Variants in STK39 observed in about 807,000 individuals in gnomAD.
STK39 encodes STE20/SPS1-related proline-alanine-rich protein kinase.
STK39 carries 20 observed loss-of-function variants against 77.8 expected under a neutral mutation model. The observed-to-expected ratio is 0.26, with a 90% confidence interval of 0.18 to 0.37. The LOEUF (loss-of-function observed/expected upper bound fraction) is 0.37, where lower values mean the gene tolerates loss of function less well. STK39 is among the 10% of genes least tolerant of loss of function. The pLI is 1.00. For missense variants in STK39, 479 were observed against 656.5 expected (o/e 0.73, Z 2.95); for synonymous variants, 246 against 234.1 (o/e 1.05, Z -0.47).
chr2:168,182,663 A>G (rs962041266), intron 1 of STK39, among the ~76,000 whole-genome samples: 7 of 152,276 alleles, frequency 4.6e-5, no homozygotes, highest in Non-Finnish European at 7.4e-5. Context: ...TAAATTTTCT[A>G]TTTCTAAGGT....
chr2:168,232,064 TC>T, intron 1 of STK39: 1 of 252,316 alleles, frequency 4.0e-6, no homozygotes, highest in Non-Finnish European at 8.8e-6. Flanking sequence ...CTCCAGGACC[TC>T]CAGAGACCAC....
chr2:168,152,915 C>A (rs1437637527), intron 5 of STK39, among the ~76,000 whole-genome samples: 2 of 152,152 alleles, frequency 1.3e-5, no homozygotes, highest in East Asian at 3.9e-4. Context: ...ACTCAACCAG[C>A]ACTACTATCA....
chr2:168,158,216 G>A, intron 5 of STK39, among the ~76,000 whole-genome samples: 1 of 152,190 alleles, frequency 6.6e-6, no homozygotes, highest in Non-Finnish European at 1.5e-5. Flanking sequence ...TTATCAGGAA[G>A]TTACACACAC....
intron 10 of STK39, among the ~76,000 whole-genome samples, chr2:168,124,389 G>A (rs1188740259): frequency 6.6e-6 from 1 of 151,956 alleles, no homozygotes; most frequent in Non-Finnish European, 1.5e-5. Flanking sequence ...CCTGCCATAT[G>A]TGGGTTATAT....
intron 1 of STK39, among the ~76,000 whole-genome samples, chr2:168,190,628 G>A (rs1229417195): frequency 6.6e-6 from 1 of 152,126 alleles, no homozygotes; most frequent in African/African-American, 2.4e-5. Flanking sequence ...ATAGAGAGAT[G>A]ATATAAAACA....
chr2:168,042,627 C>T (rs1172040031), intron 14 of STK39, among the ~76,000 whole-genome samples: 2 of 145,664 alleles, frequency 1.4e-5, no homozygotes, highest in African/African-American at 5.1e-5. Context: ...GTCACCCAGG[C>T]TAGATTGCAG....
At chr2:168,023,711 T>A (rs974533211) in intron 14 of STK39, among the ~76,000 whole-genome samples, 1 of 152,108 alleles carries the variant, frequency 6.6e-6, no homozygotes, top group African/African-American at 2.4e-5. Flanking sequence ...GACCACTCAT[T>A]GTCAAAGAGC....
At chr2:168,009,716 A>G (rs1684221596) in intron 16 of STK39, among the ~76,000 whole-genome samples, 1 of 152,204 alleles carries the variant, frequency 6.6e-6, no homozygotes, top group Admixed American at 6.5e-5. Context: ...AAGTGCTACT[A>G]TATCAAAGAG....
intron 5 of STK39, 109 bp from the exon 6 acceptor site, chr2:168,140,867 T>G: frequency 1.2e-6 from 1 of 853,052 alleles, no homozygotes; most frequent in South Asian, 1.9e-5. Flanking sequence ...GGTGATGAAC[T>G]ATTCCAAACA....
intron 8 of STK39, among the ~76,000 whole-genome samples, chr2:168,133,743 A>C (rs1320126241): frequency 3.3e-5 from 5 of 152,056 alleles, no homozygotes; most frequent in Non-Finnish European, 5.9e-5. Context: ...CTGTAATCCC[A>C]GCTACTCAGG....
chr2:167,995,987 T>C (rs1046491221), intron 16 of STK39, among the ~76,000 whole-genome samples: 5 of 152,212 alleles, frequency 3.3e-5, no homozygotes, highest in African/African-American at 1.2e-4. Flanking sequence ...TTGAAATTCT[T>C]AATTTTTGAA....
intron 10 of STK39, among the ~76,000 whole-genome samples, chr2:168,103,109 T>C (rs1686879052): frequency 6.6e-6 from 1 of 151,960 alleles, no homozygotes; most frequent in Admixed American, 6.6e-5. Context: ...TGAGCAAGTA[T>C]ACTGAACTTA....
intron 14 of STK39, among the ~76,000 whole-genome samples, chr2:168,058,615 C>A (rs1685584798): frequency 1.3e-5 from 2 of 152,232 alleles, no homozygotes; most frequent in South Asian, 4.1e-4. Flanking sequence ...TCCATCCCAA[C>A]CTGCAACTCA....
At chr2:168,167,503 A>T (rs1047105012) in intron 2 of STK39, 96 bp from the exon 3 acceptor site, 2 of 1,078,566 alleles carry the variant, frequency 1.9e-6, no homozygotes, top group African/African-American at 3.1e-5. Flanking sequence ...TAACTTTCCT[A>T]CTCGAAAGCC....
chr2:168,244,197 A>G (rs1226359333), intron 1 of STK39, among the ~76,000 whole-genome samples: 1 of 152,250 alleles, frequency 6.6e-6, no homozygotes, highest in Non-Finnish European at 1.5e-5. Context: ...TTAAAACACA[A>G]GAACAACAAT....
At chr2:168,139,540 G>A (rs1176964786) in intron 7 of STK39, among the ~76,000 whole-genome samples, 1 of 151,822 alleles carries the variant, frequency 6.6e-6, no homozygotes, top group East Asian at 1.9e-4. Context: ...TCTACAATAT[G>A]AGTATACTAC....
intron 10 of STK39, among the ~76,000 whole-genome samples, chr2:168,094,073 C>A (rs1267625311): frequency 6.6e-6 from 1 of 152,220 alleles, no homozygotes; most frequent in Non-Finnish European, 1.5e-5. Flanking sequence ...AAGTCCTTCA[C>A]AGGGTCCTCC....
intron 1 of STK39, among the ~76,000 whole-genome samples, chr2:168,223,862 T>G (rs1007314352): frequency 6.6e-6 from 1 of 152,114 alleles, no homozygotes. Flanking sequence ...TGAATTGCTT[T>G]TAAAAGTCCT....
At chr2:168,219,641 A>G (rs1690113615) in intron 1 of STK39, among the ~76,000 whole-genome samples, 1 of 152,176 alleles carries the variant, frequency 6.6e-6, no homozygotes, top group Admixed American at 6.5e-5. Flanking sequence ...GGTCTGGGGC[A>G]AGCAAGCACT....
Sources: allele counts gnomAD v4.1 joint callset (sites outside exome capture counted in the v4.1 genomes callset), GRCh38; gene constraint gnomAD v4.1.1; transcripts MANE v1.5; gene names NCBI Gene and HGNC (gene_info 2026-07-23, HGNC 2026-07-21).